The following PPP1CB variants were observed in gnomAD, a reference collection of about 807,000 sequenced individuals.
PPP1CB encodes the protein protein phosphatase 1 catalytic subunit beta.
In PPP1CB, 2 loss-of-function variants were observed where a neutral mutation model predicts 43.7. The observed-to-expected ratio is 0.05, with a 90% confidence interval of 0.02 to 0.14. PPP1CB has a LOEUF of 0.14. Ranked by LOEUF, PPP1CB falls within the 10% of genes least tolerant of loss-of-function variation. PPP1CB has a pLI of 1.00. For synonymous variants in PPP1CB, 136 were observed against 135.6 expected (o/e 1.00, Z -0.02); for missense variants, 84 against 398.0 (o/e 0.21, Z 6.71).
At chr2:28,757,587 G>T (rs1330511083) in intron 1 of PPP1CB, among the ~76,000 whole-genome samples, 1 of 152,214 alleles carries the variant, frequency 6.6e-6, no homozygotes, top group East Asian at 1.9e-4. Flanking sequence ...TTGTGTGGAT[G>T]TGCAGCTAGA....
Position 28,765,773 on chromosome 2 carries a change from G to C in PPP1CB, c.53-11078G>C, listed in dbSNP as rs568415816. Among the ~76,000 whole-genome samples the C allele has an allele frequency of 3.3e-5, 5 of 152,282 alleles. No homozygotes were observed. In the East Asian group the frequency reaches 5.8e-4, roughly 18 times the overall value. ...CTTTATAGAAAATTAAATTAGCCAG[G>C]TGTGGTGGCATGTGCCTATAGTCCC... On this transcript the variant is annotated intron_variant, in intron 1 of 7. Transcript: ENST00000395366.
chr2:28,751,801 T>TGGGGCCGTCGGC (rs779675107), upstream of PPP1CB: 4 of 410,296 alleles, frequency 9.7e-6, no homozygotes, highest in East Asian at 2.0e-4. Context: ...GCGCTGCGGG[T>TGGGGCCGTCGGC]GGGGCCGTCG....
intron 1 of PPP1CB, among the ~76,000 whole-genome samples, chr2:28,760,775 C>T (rs964665058): frequency 6.6e-6 from 1 of 152,204 alleles, no homozygotes; most frequent in African/African-American, 2.4e-5. Flanking sequence ...TATTTTAAAA[C>T]TTTAAATAGT....
chr2:28,764,760 A>T (rs1480087148), intron 1 of PPP1CB, among the ~76,000 whole-genome samples: 2 of 152,034 alleles, frequency 1.3e-5, no homozygotes, highest in Non-Finnish European at 2.9e-5. Flanking sequence ...TCTCTACTAA[A>T]AATACAAAAA....
chr2:28,783,899 A>T lies in PPP1CB; in HGVS notation c.521-8A>T. ...TGTTAGTACTATGTCTCATCTTTTT[A>T]TTTATAGGATTGTCACCAGACCTGC... On this transcript the variant is annotated splice_region_variant and splice_polypyrimidine_tract_variant and intron_variant, in intron 4 of 7. Coordinates refer to ENST00000395366, the MANE Select transcript of PPP1CB (RefSeq NM_002709.3). The T allele has an allele frequency of 6.2e-7, 1 of 1,605,232 alleles. No homozygotes were observed. Among genetic ancestry groups the T allele is most frequent in the Non-Finnish European group, 8.5e-7 (1 of 1,172,538 alleles).
intron 1 of PPP1CB, among the ~76,000 whole-genome samples, chr2:28,772,171 G>A (rs1666928808): frequency 6.6e-6 from 1 of 152,064 alleles, no homozygotes; most frequent in African/African-American, 2.4e-5. Flanking sequence ...AGCTGGGCAT[G>A]GTGGTGTGCA....
chr2:28,775,188 C>G (rs1254420850), intron 1 of PPP1CB, among the ~76,000 whole-genome samples: 6 of 152,186 alleles, frequency 3.9e-5, no homozygotes, highest in African/African-American at 1.2e-4. Flanking sequence ...ACTGTAGCCT[C>G]TGCCTTCTGG....
intron 2 of PPP1CB, chr2:28,778,262 T>C (rs1412656148): frequency 1.2e-5 from 5 of 410,118 alleles, no homozygotes; most frequent in African/African-American, 2.1e-5. Flanking sequence ...AAAATTGTTT[T>C]AGTTACCTAT....
At chr2:28,796,064 T>G (rs956761198) in intron 7 of PPP1CB, among the ~76,000 whole-genome samples, 2 of 152,184 alleles carry the variant, frequency 1.3e-5, no homozygotes, top group Non-Finnish European at 2.9e-5. Context: ...CTCCATTGCT[T>G]GTTATTGTTG....
At chr2:28,778,397 A>G in intron 2 of PPP1CB, 1 of 472,254 alleles carries the variant, frequency 2.1e-6, no homozygotes. Flanking sequence ...GGTCTCTCAC[A>G]AGGCTCCAAT....
intron 7 of PPP1CB, among the ~76,000 whole-genome samples, chr2:28,794,307 G>A (rs187432144): frequency 9.9e-4 from 151 of 152,344 alleles, no homozygotes; most frequent in Non-Finnish European, 1.7e-3. Context: ...TGAATGTAAT[G>A]AATAGTTTAG....
In PPP1CB at chr2:28,802,781, T is replaced by TCC. The variant is rs991256595; in HGVS notation, c.*3481_*3482dup. ...TTGAATGCCAGAATTTCTAAATAAATCCCCTGGTTAGGAAATTTTAAAAGT... is the reference window on the plus strand; with the variant it reads ...TTGAATGCCAGAATTTCTAAATAAATCCCCCCTGGTTAGGAAATTTTAAAAGT... On this transcript the variant is annotated 3_prime_UTR_variant, in exon 8 of 8. Transcript: ENST00000395366. 11 of 152,196 alleles carry TCC rather than the reference T, an allele frequency of 7.2e-5. No homozygotes were observed. Among genetic ancestry groups the TCC allele is most frequent in the African/African-American group, 2.7e-4 (11 of 41,454 alleles). The allele number at this position is 152,196 out of a possible 1,614,324, so 9.4% of individuals were successfully genotyped here.
chr2:28,793,059 C>T (rs1043291222), intron 6 of PPP1CB, among the ~76,000 whole-genome samples: 5 of 151,946 alleles, frequency 3.3e-5, no homozygotes, highest in African/African-American at 9.7e-5. Flanking sequence ...TACAAAAATT[C>T]ATCGGGCTTG....
At chr2:28,772,762 A>G (rs375199148) in intron 1 of PPP1CB, among the ~76,000 whole-genome samples, 2 of 152,206 alleles carry the variant, frequency 1.3e-5, no homozygotes, top group East Asian at 3.8e-4. Context: ...CCAGTTAAGC[A>G]TCCGTAATCT....
intron 7 of PPP1CB, among the ~76,000 whole-genome samples, chr2:28,796,758 CT>C (rs932467926): frequency 1.3e-5 from 2 of 152,002 alleles, no homozygotes; most frequent in African/African-American, 4.8e-5. Flanking sequence ...ATTTGGATGC[CT>C]TTTATTTCTT....
At chr2:28,777,806 C>T (rs1019651718) in intron 2 of PPP1CB, among the ~76,000 whole-genome samples, 4 of 152,154 alleles carry the variant, frequency 2.6e-5, no homozygotes, top group Non-Finnish European at 5.9e-5. Context: ...GTGTGAGCCA[C>T]CACGTCTAGC....
chr2:28,752,135 G>A lies in PPP1CB; in HGVS notation c.11G>A (p.Gly4Glu). MAD[G>E]ELNVDSLITR... ...GTCTGTGCCGACAAGATGGCGGACG[G>A]GGAGCTGAACGTGGACAGCCTCATC... The change falls in exon 1 of 8, where the codon GGG (glycine) becomes GAG (glutamate). Residue 4 changes from glycine (G) to glutamate (E), a missense_variant. Physicochemically the swap from Gly to Glu is moderately conservative, Grantham distance 98. This residue lies in a region of PPP1CB where 27 missense variants were observed against 42.7 expected (regional missense o/e 0.63). Coordinates refer to ENST00000395366, the MANE Select transcript of PPP1CB (RefSeq NM_002709.3). 2 of 1,549,866 alleles carry A rather than the reference G, an allele frequency of 1.3e-6. No homozygotes were observed. Among genetic ancestry groups the A allele is most frequent in the Non-Finnish European group, 1.7e-6 (2 of 1,146,164 alleles).
At chr2:28,772,916 T>C (rs1666945227) in intron 1 of PPP1CB, among the ~76,000 whole-genome samples, 2 of 152,252 alleles carry the variant, frequency 1.3e-5, no homozygotes, top group African/African-American at 4.8e-5. Flanking sequence ...AACACAATTA[T>C]ATGGATGTAT....
At position 28,764,826 on chromosome 2, in the gene PPP1CB, T is replaced by C. The variant is rs142189560; in HGVS notation, c.53-12025T>C. On this transcript the variant is annotated intron_variant, in intron 1 of 7. Coordinates refer to ENST00000395366, the MANE Select transcript of PPP1CB (RefSeq NM_002709.3). ...ATCCCACCTACCCAGTAGATTGAGG[T>C]AGGAGATTCACCTGAAGCCAGGAGG... 6.5e-3 allele frequency among the ~76,000 whole-genome samples: 992 copies of C among 151,718 alleles called. 10 individuals carry two copies. The highest frequency in any genetic ancestry group is 0.022 in the African/African-American group (899 of 41,332).
Sources: allele counts gnomAD v4.1 joint callset (sites outside exome capture counted in the v4.1 genomes callset), GRCh38; gene constraint gnomAD v4.1.1; regional missense constraint gnomAD v4.1.1; transcripts MANE v1.5; gene names NCBI Gene and HGNC (gene_info 2026-07-23, HGNC 2026-07-21).